The following LCOR variants were observed in gnomAD, a reference collection of about 807,000 sequenced individuals.
LCOR encodes the protein ligand dependent nuclear receptor corepressor.
LCOR carries 14 observed loss-of-function variants against 64.4 expected under a neutral mutation model. That is an observed-to-expected ratio of 0.22 (90% confidence interval 0.14 to 0.34). The LOEUF (loss-of-function observed/expected upper bound fraction) is 0.34. Among genes scored for constraint, LCOR ranks in the 10% least tolerant of loss-of-function variants. The pLI is 1.00. For synonymous variants in LCOR, 643 were observed against 642.5 expected, an observed-to-expected ratio of 1.00 and a Z score of -0.01; for missense variants, 1,686 against 1,765.3, an observed-to-expected ratio of 0.96 and a Z score of 0.80.
At position 96,983,576 on chromosome 10, in the gene LCOR, C is replaced by T. The variant is rs1369182144; in HGVS notation, c.3116C>T (p.Ser1039Leu). 1.2e-6 allele frequency: 2 copies of T among 1,614,030 alleles called. No homozygotes were observed. Among genetic ancestry groups the T allele is most frequent in the Non-Finnish European group, 1.7e-6 (2 of 1,180,032 alleles). The change falls in exon 8 of 8, where the codon TCA (serine) becomes TTA (leucine). Residue 1039 changes from serine (S) to leucine (L), a missense_variant. By Grantham distance (145) the Ser-to-Leu change is moderately radical (BLOSUM62 -2). Coordinates refer to ENST00000421806, the MANE Select transcript of LCOR (RefSeq NM_001346516.2). This position sits in a 1 kb window ranked among gnomAD's most constrained non-coding sequence, Gnocchi z 4.5. ...SVPRPKRLTSSTYNLRHAHSL... is the reference protein window; with the variant it reads ...SVPRPKRLTSLTYNLRHAHSL... ...CCAAGGCCTAAAAGATTGACCTCTT[C>T]AACCTACAACCTAAGACACGCTCAT...
intron 2 of LCOR, among the ~76,000 whole-genome samples, chr10:96,856,202 C>A (rs1056099183): frequency 5.3e-5 from 8 of 152,202 alleles, no homozygotes; most frequent in Non-Finnish European, 7.4e-5. Context: ...TCCTGAGTAG[C>A]TGGGATTACA....
rs142886975 is a variant in LCOR at position 96,902,148 on chromosome 10, A to G, written c.-329-5117A>G. ...TTTGCTCTTAAAAAAAAAAAATACT[A>G]TTTCTCCCTGGCCTCAATAAAAATA... On this transcript the variant is annotated intron_variant, in intron 2 of 7. Coordinates refer to ENST00000421806, the MANE Select transcript of LCOR (RefSeq NM_001346516.2). 3.3e-3 allele frequency among the ~76,000 whole-genome samples: 505 copies of G among 151,592 alleles called. 3 individuals are homozygous for G. The highest frequency in any genetic ancestry group is 0.012 in the African/African-American group (482 of 41,298).
At position 96,980,957 on chromosome 10, in the gene LCOR, C is replaced by A; in HGVS notation, c.497C>A (p.Ser166Tyr). 1 of 703,046 alleles carries A rather than the reference C, an allele frequency of 1.4e-6. No homozygotes were observed. The allele number at this position is 703,046 out of a possible 1,614,324, so 43.6% of individuals were successfully genotyped here. Residue 166 changes from serine (S) to tyrosine (Y), a missense_variant, in exon 8 of 8, where the codon TCT becomes TAT. Ser to Tyr is a moderately radical substitution (Grantham distance 144, BLOSUM62 -2). This residue lies in a region of LCOR where 313 missense variants were observed against 247.2 expected (regional missense o/e 1.27). Transcript: ENST00000421806. Reference protein sequence around the residue: ...SQPGTEDLQPSDSGAMDVSTC... With the variant: ...SQPGTEDLQPYDSGAMDVSTC... ...CCAGGCACTGAGGACCTGCAGCCTT[C>A]TGATTCGGGAGCAATGGATGTATCC...
chr10:96,969,770 T>TTTC (rs200820234), intron 7 of LCOR, among the ~76,000 whole-genome samples: 7,292 of 140,900 alleles, frequency 0.052, 683 homozygotes, highest in African/African-American at 0.19. Flanking sequence ...TTTCTTTTTT[T>TTTC]TTTCTTTTTT....
intron 4 of LCOR, among the ~76,000 whole-genome samples, chr10:96,909,907 A>G (rs944208159): frequency 4.6e-5 from 7 of 152,212 alleles, no homozygotes; most frequent in African/African-American, 1.7e-4. Flanking sequence ...GTGGCTCTTT[A>G]TTGAGCAAGC....
intron 4 of LCOR, among the ~76,000 whole-genome samples, chr10:96,927,729 T>C (rs189518735): frequency 2.0e-5 from 3 of 152,322 alleles, no homozygotes; most frequent in Admixed American, 1.3e-4. Flanking sequence ...TTTTGCCACA[T>C]TGAATTACCT....
At chr10:96,889,078 A>G (rs1038200722) in intron 2 of LCOR, among the ~76,000 whole-genome samples, 14 of 152,222 alleles carry the variant, frequency 9.2e-5, no homozygotes, top group African/African-American at 2.4e-4. Flanking sequence ...AGTGTTGTAC[A>G]ACCATTACCA....
At chr10:96,917,654 G>C (rs1846977819) in intron 4 of LCOR, among the ~76,000 whole-genome samples, 1 of 152,066 alleles carries the variant, frequency 6.6e-6, no homozygotes, top group South Asian at 2.1e-4. Context: ...TAGTACAGAA[G>C]GATTTACAGC....
intron 4 of LCOR, among the ~76,000 whole-genome samples, chr10:96,913,358 TAGTG>T (rs1293905520): frequency 1.3e-5 from 2 of 152,152 alleles, no homozygotes; most frequent in Non-Finnish European, 2.9e-5. Flanking sequence ...AATCCAGTAG[TAGTG>T]AGAGGGTCGG....
chr10:96,852,072 G>A (rs569065912), intron 2 of LCOR, among the ~76,000 whole-genome samples: 1 of 152,318 alleles, frequency 6.6e-6, no homozygotes, highest in Admixed American at 6.5e-5. Flanking sequence ...ATGCTTCAAT[G>A]TATACAAACT....
chr10:96,927,190 T>C (rs1201554104), intron 4 of LCOR, among the ~76,000 whole-genome samples: 2 of 152,208 alleles, frequency 1.3e-5, no homozygotes, highest in Admixed American at 6.5e-5. Context: ...CATCAGTCTT[T>C]TTAACATAAG....
intron 2 of LCOR, among the ~76,000 whole-genome samples, chr10:96,838,442 A>G (rs1048218856): frequency 3.3e-5 from 5 of 152,044 alleles, no homozygotes; most frequent in Non-Finnish European, 5.9e-5. Context: ...TTTATTTCCT[A>G]AAAAAGAAAC....
chr10:96,835,677 T>G (rs1163356963), intron 2 of LCOR, among the ~76,000 whole-genome samples: 1 of 152,216 alleles, frequency 6.6e-6, no homozygotes, highest in Non-Finnish European at 1.5e-5. Flanking sequence ...CTTAATACTT[T>G]AGGGTCATTT....
At position 96,983,506 on chromosome 10, in the gene LCOR, T is replaced by G; in HGVS notation, c.3046T>G (p.Ser1016Ala). 1 of 1,614,040 alleles carries G rather than the reference T, an allele frequency of 6.2e-7. No individual in the cohort carries two copies. Among genetic ancestry groups the G allele is most frequent in the South Asian group, 1.1e-5 (1 of 91,080 alleles). The change falls in exon 8 of 8, where the codon TCG (serine) becomes GCG (alanine). Residue 1016 changes from serine (S) to alanine (A), a missense_variant. By Grantham distance (99) the Ser-to-Ala change is moderately conservative. Transcript: ENST00000421806. This position sits in a 1 kb window ranked among gnomAD's most constrained non-coding sequence, Gnocchi z 4.5. The part of the protein sequence containing the change: ...SDAPCSSLGL[S>A]SSGSGDAARA... ...TGCCCCATGCAGCTCTCTTGGGTTG[T>G]CGAGTAGTGGAAGTGGTGATGCTGC... is the stretch of plus-strand genomic sequence containing the variant.
chr10:96,945,340 G>A (rs920955251), intron 5 of LCOR, among the ~76,000 whole-genome samples: 19 of 152,070 alleles, frequency 1.2e-4, no homozygotes, highest in African/African-American at 4.1e-4. Flanking sequence ...TCCAAAAGGC[G>A]GTGTGAAGTG....
At chr10:96,836,133 T>C (rs1247065728) in intron 2 of LCOR, among the ~76,000 whole-genome samples, 1 of 152,348 alleles carries the variant, frequency 6.6e-6, no homozygotes, top group African/African-American at 2.4e-5. Context: ...CAGAAAGTTA[T>C]TTCAGATTGC....
chr10:96,965,506 CA>C (rs1189193935), intron 7 of LCOR, among the ~76,000 whole-genome samples: 2 of 150,066 alleles, frequency 1.3e-5, no homozygotes, highest in African/African-American at 2.4e-5. Flanking sequence ...ACTAAAAATA[CA>C]AAAAATTAGC....
intron 7 of LCOR, among the ~76,000 whole-genome samples, chr10:96,971,051 GT>G (rs1433694360): frequency 1.3e-5 from 2 of 152,156 alleles, no homozygotes; most frequent in African/African-American, 4.8e-5. Context: ...GGGTCACTTT[GT>G]AAAAAGTATT....
intron 4 of LCOR, among the ~76,000 whole-genome samples, chr10:96,920,637 T>C (rs1847049164): frequency 7.1e-6 from 1 of 141,474 alleles, no homozygotes; most frequent in Non-Finnish European, 1.5e-5. Flanking sequence ...TGTACATTCA[T>C]ATATGTGTAT....
Sources: gnomAD v4.1 joint callset for allele counts (sites outside exome capture counted in the v4.1 genomes callset) on GRCh38, gnomAD v4.1.1 for gene constraint, gnomAD v4.1.1 regional missense constraint, Gnocchi (gnomAD v3.1) non-coding constraint, MANE v1.5 for transcripts, NCBI Gene and HGNC (gene_info 2026-07-23, HGNC 2026-07-21) for gene names.